ADAMTS17: variants seen among roughly 807,000 people sequenced by gnomAD.
ADAMTS17 encodes ADAM metallopeptidase with thrombospondin type 1 motif 17.
ADAMTS17 carries 113 observed loss-of-function variants against 141.5 expected under a neutral mutation model. That is an observed-to-expected ratio of 0.80 (90% confidence interval 0.69 to 0.93). The LOEUF (loss-of-function observed/expected upper bound fraction) is 0.93. Ranked by LOEUF, ADAMTS17 falls within the 40% of genes least tolerant of loss-of-function variation. The probability of loss-of-function intolerance (pLI) is 0.00; values close to 1 mark genes in which losing one functional copy is unlikely to be tolerated. For missense variants in ADAMTS17, 1,659 were observed against 1,517.9 expected, an observed-to-expected ratio of 1.09 and a Z score of -1.54; for synonymous variants, 768 against 630.6, an observed-to-expected ratio of 1.22 and a Z score of -3.27.
chr15:100,235,170 A>G (rs1276199262), intron 7 of ADAMTS17, among the ~76,000 whole-genome samples: 1 of 152,088 alleles, frequency 6.6e-6, no homozygotes, highest in Non-Finnish European at 1.5e-5. Flanking sequence ...GAAGGGAGAA[A>G]TGGCCTTTAT....
At chr15:100,332,994 C>A (rs2046101833) in intron 2 of ADAMTS17, among the ~76,000 whole-genome samples, 2 of 152,180 alleles carry the variant, frequency 1.3e-5, no homozygotes, top group Admixed American at 1.3e-4. Context: ...CCCCAGGTTC[C>A]TTCAAGCCTA....
chr15:100,115,083 C>T (rs1451934804), intron 13 of ADAMTS17, among the ~76,000 whole-genome samples: 1 of 152,090 alleles, frequency 6.6e-6, no homozygotes, highest in Non-Finnish European at 1.5e-5. Flanking sequence ...TGGGAGTGGG[C>T]AGTAAAGAGG....
At chr15:100,221,777 C>G (rs1048008123) in intron 7 of ADAMTS17, among the ~76,000 whole-genome samples, 2 of 152,182 alleles carry the variant, frequency 1.3e-5, no homozygotes, top group African/African-American at 4.8e-5. Context: ...GTGAAATTAT[C>G]CAGAATTCCA....
chr15:100,138,690 A>G (rs928050568), intron 10 of ADAMTS17, among the ~76,000 whole-genome samples: 2 of 152,184 alleles, frequency 1.3e-5, no homozygotes, highest in South Asian at 2.1e-4. Context: ...AGAAGGAGAG[A>G]ATAGAAAGAG....
At position 99,997,596 on chromosome 15, in the gene ADAMTS17, G is replaced by C. The variant is rs765499241; in HGVS notation, c.2592-7C>G. On this transcript the variant is annotated splice_region_variant and splice_polypyrimidine_tract_variant and intron_variant, in intron 18 of 21. Coordinates refer to ENST00000268070, the MANE Select transcript of ADAMTS17 (RefSeq NM_139057.4). The surrounding 1 kb of genome is among the most constrained non-coding windows in gnomAD (Gnocchi z 4.7). ...CCACGGGCCTGCCACCCACCTGCCA[G>C]ACGGGAGGAAAGAGAGAGAGAACGA... 1 of 1,612,668 alleles carries C rather than the reference G, an allele frequency of 6.2e-7. No homozygotes were observed. Among genetic ancestry groups the C allele is most frequent in the Non-Finnish European group, 8.5e-7 (1 of 1,179,922 alleles).
At chr15:100,114,860 C>T (rs767181025) in intron 13 of ADAMTS17, among the ~76,000 whole-genome samples, 19 of 152,174 alleles carry the variant, frequency 1.2e-4, no homozygotes, top group Admixed American at 3.3e-4. Context: ...CATCCAAAAG[C>T]GGTCAGAAGG....
chr15:100,319,074 C>T (rs763271377), intron 3 of ADAMTS17, among the ~76,000 whole-genome samples: 2 of 152,260 alleles, frequency 1.3e-5, no homozygotes, highest in African/African-American at 2.4e-5. Flanking sequence ...AGCCCTGGGG[C>T]ATCTGGCAGA....
chr15:100,327,985 G>A (rs1449381906), intron 3 of ADAMTS17, among the ~76,000 whole-genome samples: 1 of 152,156 alleles, frequency 6.6e-6, no homozygotes, highest in East Asian at 1.9e-4. Flanking sequence ...CACCTTTCAA[G>A]TACACTGAGT....
At chr15:100,270,826 G>A (rs892358445) in intron 4 of ADAMTS17, among the ~76,000 whole-genome samples, 3 of 137,554 alleles carry the variant, frequency 2.2e-5, no homozygotes, top group Middle Eastern at 7.6e-3. Context: ...TATTCACACT[G>A]TTATACACTA....
At chr15:100,074,262 CTTTGT>C (rs1235609699) in intron 15 of ADAMTS17, 2 of 152,166 alleles carry the variant, frequency 1.3e-5, no homozygotes, top group South Asian at 2.1e-4. Context: ...GAATGTACAC[CTTTGT>C]TTTGTTTTTT....
intron 10 of ADAMTS17, among the ~76,000 whole-genome samples, chr15:100,137,550 A>G (rs973907887): frequency 1.3e-5 from 2 of 152,188 alleles, no homozygotes; most frequent in African/African-American, 4.8e-5. Flanking sequence ...TGATGGATGA[A>G]CCTTCTGCTT....
At chr15:100,276,918 G>A (rs776117141) in intron 4 of ADAMTS17, among the ~76,000 whole-genome samples, 6 of 152,100 alleles carry the variant, frequency 3.9e-5, no homozygotes, top group Admixed American at 6.5e-5. Flanking sequence ...TGGTGGAGGT[G>A]GTCTTGTTTA....
Position 100,006,532 on chromosome 15 carries a change from A to G in ADAMTS17, c.2592-8943T>C, listed in dbSNP as rs900840493. Among the ~76,000 whole-genome samples the G allele has an allele frequency of 3.3e-5, 5 of 152,326 alleles. No individual in the cohort carries two copies. In the East Asian group the frequency reaches 9.6e-4, roughly 29 times the overall value. ...TGAATATAGAGGGAATCTCAAACGC[A>G]GGTAGCCAAAGAGAGAGCCCTGGTA... On this transcript the variant is annotated intron_variant, in intron 18 of 21. Transcript: ENST00000268070.
At chr15:100,025,995 A>G (rs541673620) in intron 18 of ADAMTS17, among the ~76,000 whole-genome samples, 54 of 152,356 alleles carry the variant, frequency 3.5e-4, no homozygotes, top group African/African-American at 1.3e-3. Flanking sequence ...AAATTTTCAC[A>G]AAGCAAGGCT....
intron 3 of ADAMTS17, among the ~76,000 whole-genome samples, chr15:100,317,919 C>G (rs920845082): frequency 6.6e-6 from 1 of 152,140 alleles, no homozygotes; most frequent in Admixed American, 6.5e-5. Context: ...GGGGCCAAGG[C>G]TGAAGCGGCC....
chr15:100,182,805 T>A (rs1315765687), intron 8 of ADAMTS17, among the ~76,000 whole-genome samples: 1 of 152,186 alleles, frequency 6.6e-6, no homozygotes, highest in Non-Finnish European at 1.5e-5. Flanking sequence ...AGTTTTTTCT[T>A]TAAGGAATTT....
intron 3 of ADAMTS17, among the ~76,000 whole-genome samples, chr15:100,291,937 G>A (rs895934477): frequency 6.6e-6 from 1 of 152,210 alleles, no homozygotes; most frequent in African/African-American, 2.4e-5. Flanking sequence ...TAAAATAAAA[G>A]TTAAAAAAGA....
chr15:100,208,620 C>T (rs1291727403), intron 7 of ADAMTS17, among the ~76,000 whole-genome samples: 1 of 152,194 alleles, frequency 6.6e-6, no homozygotes, highest in Non-Finnish European at 1.5e-5. Flanking sequence ...TCCAGGTCAT[C>T]ATTCATCATT....
chr15:100,155,438 T>G, intron 8 of ADAMTS17, 118 bp from the exon 9 acceptor site: 5 of 1,416,280 alleles, frequency 3.5e-6, no homozygotes, highest in Non-Finnish European at 4.8e-6. Flanking sequence ...GGACGTAACG[T>G]GAAAGTGGTT....
Sources: gnomAD v4.1 joint callset for allele counts (sites outside exome capture counted in the v4.1 genomes callset) on GRCh38, gnomAD v4.1.1 for gene constraint, Gnocchi (gnomAD v3.1) non-coding constraint, MANE v1.5 for transcripts, NCBI Gene and HGNC (gene_info 2026-07-23, HGNC 2026-07-21) for gene names.